Variants in METTL25 observed in about 807,000 individuals in gnomAD.
METTL25 encodes probable methyltransferase-like protein 25.
Under a neutral mutation model 71.6 loss-of-function variants are expected in METTL25, and 64 were observed. The observed-to-expected ratio is 0.89, with a 90% CI of 0.73 to 1.10. METTL25 has a LOEUF of 1.10. Among genes scored for constraint, METTL25 ranks in the 50% least tolerant of loss-of-function variants. METTL25 has a pLI of 0.00. For missense variants in METTL25, 807 were observed against 707.0 expected (o/e 1.14, Z -1.60); for synonymous variants, 287 against 250.3 (o/e 1.15, Z -1.38).
chr12:82,423,910 A>C (rs1565853098), intron 5 of METTL25, among the ~76,000 whole-genome samples: 1 of 152,194 alleles, frequency 6.6e-6, no homozygotes. Flanking sequence ...GGATGTGGAG[A>C]AATAGGAACA....
chr12:82,398,269 A>G (rs1886261682), intron 3 of METTL25, among the ~76,000 whole-genome samples: 1 of 149,676 alleles, frequency 6.7e-6, no homozygotes, highest in African/African-American at 2.5e-5. Flanking sequence ...TTTTTTATAG[A>G]GACAGGATCT....
intron 1 of METTL25, among the ~76,000 whole-genome samples, chr12:82,359,629 C>T (rs1439608746): frequency 1.3e-5 from 2 of 152,176 alleles, no homozygotes; most frequent in Non-Finnish European, 2.9e-5. Flanking sequence ...GGATGGTATT[C>T]GGATAGTCAC....
chr12:82,362,179 TTTC>T (rs1221926088), intron 1 of METTL25, among the ~76,000 whole-genome samples: 2 of 152,138 alleles, frequency 1.3e-5, no homozygotes, highest in African/African-American at 2.4e-5. Flanking sequence ...GTCCTAAGAG[TTTC>T]TTCTTCATTG....
intron 11 of METTL25, 137 bp from the exon 12 acceptor site, chr12:82,478,795 T>C: frequency 1.5e-6 from 1 of 659,322 alleles, no homozygotes; most frequent in Non-Finnish European, 2.5e-6. Context: ...GTTAATTTTG[T>C]TTAACAAAGC....
chr12:82,420,622 A>T (rs759213561), intron 5 of METTL25, among the ~76,000 whole-genome samples: 10 of 152,128 alleles, frequency 6.6e-5, no homozygotes, highest in Non-Finnish European at 1.3e-4. Context: ...GAATTGAGTG[A>T]CTGGCCCATA....
At chr12:82,416,636 G>C (rs1888011285) in intron 5 of METTL25, among the ~76,000 whole-genome samples, 1 of 151,428 alleles carries the variant, frequency 6.6e-6, no homozygotes, top group Non-Finnish European at 1.5e-5. Context: ...GTTTTGTTTT[G>C]TTTTGTTTTT....
intron 5 of METTL25, among the ~76,000 whole-genome samples, chr12:82,420,325 G>T (rs976220330): frequency 6.6e-6 from 1 of 152,118 alleles, no homozygotes; most frequent in African/African-American, 2.4e-5. Context: ...TCCTAAAAGG[G>T]TGTATCTTAT....
chr12:82,413,892 A>G (rs1887749910), intron 5 of METTL25, among the ~76,000 whole-genome samples: 1 of 151,820 alleles, frequency 6.6e-6, no homozygotes, highest in Non-Finnish European at 1.5e-5. Flanking sequence ...TTACATTTAT[A>G]CCAGTATAAT....
intron 5 of METTL25, among the ~76,000 whole-genome samples, chr12:82,413,998 A>ATT (rs556681715): frequency 1.3e-5 from 2 of 151,280 alleles, no homozygotes; most frequent in South Asian, 2.1e-4. Context: ...ATATATATAT[A>ATT]TTTTTTCTTA....
Position 82,398,795 on chromosome 12 carries a change from G to T in METTL25, c.532G>T (p.Val178Leu). The change falls in exon 4 of 12, where the codon GTG becomes TTG. Residue 178 changes from valine (V) to leucine (L), a missense_variant and splice_region_variant. Coordinates refer to ENST00000248306, the MANE Select transcript of METTL25 (RefSeq NM_032230.3). ...SIADYYGIKQ[V>L]IDLGSGKGYL... Reference sequence around the variant, plus strand: ...ATTTATTCTTTTTTTCTAATCTTAGGTGATTGACTTGGGTTCCGGTAAAGG... The same window carrying T: ...ATTTATTCTTTTTTTCTAATCTTAGTTGATTGACTTGGGTTCCGGTAAAGG... 1.3e-6 allele frequency: 2 copies of T among 1,506,764 alleles called. No individual in the cohort carries two copies. Among genetic ancestry groups the T allele is most frequent in the South Asian group, 1.4e-5 (1 of 70,358 alleles). The allele number at this position is 1,506,764 out of a possible 1,614,324, so 93.3% of individuals were successfully genotyped here.
intron 5 of METTL25, among the ~76,000 whole-genome samples, chr12:82,416,985 T>G (rs137940484): frequency 1.6e-3 from 241 of 152,252 alleles, no homozygotes; most frequent in African/African-American, 5.6e-3. Context: ...AACTATAAAA[T>G]TCTAAGGTGG....
chr12:82,465,155 T>G (rs2137283321), intron 9 of METTL25, among the ~76,000 whole-genome samples: 1 of 152,100 alleles, frequency 6.6e-6, no homozygotes, highest in African/African-American at 2.4e-5. Flanking sequence ...ATGAGAGTGG[T>G]AAGACTGGGC....
chr12:82,400,611 T>C (rs1886532309), intron 4 of METTL25, among the ~76,000 whole-genome samples: 1 of 152,054 alleles, frequency 6.6e-6, no homozygotes, highest in Non-Finnish European at 1.5e-5. Context: ...TCTAGTACAT[T>C]TTGTCACCTT....
At chr12:82,441,806 A>AACACACACAG (rs1555215793) in intron 8 of METTL25, among the ~76,000 whole-genome samples, 5 of 133,984 alleles carry the variant, frequency 3.7e-5, no homozygotes, top group Non-Finnish European at 6.2e-5. Context: ...AAAAAATAGA[A>AACACACACAG]ACACACACAC....
intron 8 of METTL25, among the ~76,000 whole-genome samples, chr12:82,445,260 A>G (rs961808648): frequency 5.3e-5 from 8 of 152,172 alleles, no homozygotes; most frequent in African/African-American, 1.9e-4. Context: ...TTTACCATTT[A>G]CTACCATAAA....
At chr12:82,405,143 TCTGTA>T (rs1886984015) in intron 5 of METTL25, among the ~76,000 whole-genome samples, 1 of 152,162 alleles carries the variant, frequency 6.6e-6, no homozygotes, top group African/African-American at 2.4e-5. Context: ...CAGCCATCAC[TCTGTA>T]CTGTGAAGTC....
chr12:82,471,107 T>C (rs1892543961), intron 9 of METTL25, among the ~76,000 whole-genome samples: 1 of 152,224 alleles, frequency 6.6e-6, no homozygotes, highest in African/African-American at 2.4e-5. Flanking sequence ...TTGTGACTCA[T>C]GGTATTTCAC....
Position 82,479,156 on chromosome 12 carries a change from G to A in METTL25, c.*132G>A. 1.7e-6 allele frequency: 1 copy of A among 591,746 alleles called. No individual in the cohort carries two copies. The highest frequency in any genetic ancestry group is 3.0e-6 in the Non-Finnish European group (1 of 338,600). 36.7% of individuals were successfully genotyped at this position (591,746 alleles called of 1,614,324 possible). On this transcript the variant is annotated 3_prime_UTR_variant, in exon 12 of 12. Transcript: ENST00000248306. ...TATGTATTTTAAATAATAAAATAAT[G>A]GCTAACAACAGAAGGTTATAATCCA...
At chr12:82,384,358 G>C (rs368090644) in intron 1 of METTL25, among the ~76,000 whole-genome samples, 1 of 150,298 alleles carries the variant, frequency 6.7e-6, no homozygotes, top group African/African-American at 2.5e-5. Flanking sequence ...ATGGAATGAA[G>C]ACTAGATCAT....
Sources: gnomAD v4.1 joint callset for allele counts (sites outside exome capture counted in the v4.1 genomes callset) on GRCh38, gnomAD v4.1.1 for gene constraint, MANE v1.5 for transcripts, NCBI Gene and HGNC (gene_info 2026-07-23, HGNC 2026-07-21) for gene names.